The following GALNT13 variants were observed in gnomAD, a reference collection of about 807,000 sequenced individuals.
GALNT13 encodes the protein polypeptide N-acetylgalactosaminyltransferase 13, also known as UDP-GalNAc:polypeptide N-acetylgalactosaminyltransferase 13.
A neutral mutation model predicts 64.2 loss-of-function variants in GALNT13; 28 were observed. The observed-to-expected ratio is 0.44, with a 90% confidence interval of 0.32 to 0.60. The LOEUF (loss-of-function observed/expected upper bound fraction) is 0.60, where lower values mean the gene tolerates loss of function less well. Among genes scored for constraint, GALNT13 ranks in the 20% least tolerant of loss-of-function variants. GALNT13 has a pLI of 0.05. For synonymous variants in GALNT13, 214 were observed against 224.6 expected (o/e 0.95, Z 0.42); for missense variants, 577 against 669.8 (o/e 0.86, Z 1.53).
chr2:153,610,087 A>C, the GALNT13 span, among the ~76,000 whole-genome samples: 1 of 152,136 alleles, frequency 6.6e-6, no homozygotes, highest in Non-Finnish European at 1.5e-5. Context: ...AGTCCCAGAG[A>C]ATGTGCTCAT....
chr2:154,364,795 C>A (rs1448558573), intron 9 of GALNT13, among the ~76,000 whole-genome samples: 1 of 152,140 alleles, frequency 6.6e-6, no homozygotes, highest in Non-Finnish European at 1.5e-5. Flanking sequence ...CTCAGCCTCC[C>A]AAGTAGCTGG....
chr2:153,223,779 T>A, the GALNT13 span, among the ~76,000 whole-genome samples: 1 of 151,712 alleles, frequency 6.6e-6, no homozygotes, highest in Non-Finnish European at 1.5e-5. Context: ...GCCAACATGG[T>A]GAAATCCCGC....
At chr2:153,491,594 ATATTTATTTATTTATT>A in the GALNT13 span, among the ~76,000 whole-genome samples, 3 of 145,450 alleles carry the variant, frequency 2.1e-5, no homozygotes, top group South Asian at 2.2e-4. Flanking sequence ...AAACCATATT[ATATTTATTTATTTATT>A]TATTTATTTA....
intron 8 of GALNT13, among the ~76,000 whole-genome samples, chr2:154,263,972 G>C (rs1215813886): frequency 6.6e-6 from 1 of 152,218 alleles, no homozygotes; most frequent in Non-Finnish European, 1.5e-5. Flanking sequence ...CCTTGTGAAA[G>C]TTTCTAGGCC....
At chr2:153,630,784 TATATATATATATATATATATATA>T in the GALNT13 span, among the ~76,000 whole-genome samples, 2 of 9,792 alleles carry the variant, frequency 2.0e-4, no homozygotes, top group African/African-American at 6.9e-4. Flanking sequence ...TATATATATA[TATATATATATATATATATATATA>T]TTTTTTTTTT....
the GALNT13 span, among the ~76,000 whole-genome samples, chr2:153,071,291 TG>T: frequency 1.3e-5 from 2 of 152,220 alleles, no homozygotes; most frequent in Non-Finnish European, 2.9e-5. Context: ...AAGACATTGT[TG>T]GCAGAAGCAA....
At chr2:154,366,936 C>T (rs1445236124) in intron 9 of GALNT13, among the ~76,000 whole-genome samples, 4 of 152,092 alleles carry the variant, frequency 2.6e-5, no homozygotes, top group Non-Finnish European at 5.9e-5. Flanking sequence ...ACTGATTAGA[C>T]TGGATTATGA....
chr2:154,133,534 T>TTTTATA (rs1238613797), intron 3 of GALNT13, among the ~76,000 whole-genome samples: 9 of 77,292 alleles, frequency 1.2e-4, no homozygotes, highest in East Asian at 5.2e-4. Context: ...ACAGACCATT[T>TTTTATA]TATATATATA....
intron 11 of GALNT13, among the ~76,000 whole-genome samples, chr2:154,434,266 T>G (rs1700831781): frequency 1.3e-5 from 2 of 152,178 alleles, no homozygotes; most frequent in Non-Finnish European, 2.9e-5. Context: ...TTTGTTGGTT[T>G]GTTTGTTTTT....
the GALNT13 span, among the ~76,000 whole-genome samples, chr2:153,278,786 T>C: frequency 6.6e-6 from 1 of 152,122 alleles, no homozygotes; most frequent in East Asian, 1.9e-4. Flanking sequence ...AGTCAGGTAA[T>C]GTGATGCCTC....
chr2:153,849,297 C>A, the GALNT13 span, among the ~76,000 whole-genome samples: 1 of 152,070 alleles, frequency 6.6e-6, no homozygotes, highest in Non-Finnish European at 1.5e-5. Context: ...TCCTACCAAA[C>A]AACATACTGA....
chr2:154,052,904 T>C (rs184465419), intron 3 of GALNT13, among the ~76,000 whole-genome samples: 1,914 of 149,544 alleles, frequency 0.013, 37 homozygotes, highest in African/African-American at 0.046. Context: ...GCCCGGCTAA[T>C]TTTTTTGTAT....
the GALNT13 span, among the ~76,000 whole-genome samples, chr2:153,748,437 T>G: frequency 1.4e-4 from 22 of 152,252 alleles, no homozygotes; most frequent in African/African-American, 4.3e-4. Context: ...CTCACCAACA[T>G]TTGTTATTGT....
the GALNT13 span, among the ~76,000 whole-genome samples, chr2:153,795,702 A>C: frequency 1.4e-4 from 21 of 152,330 alleles, no homozygotes; most frequent in African/African-American, 5.1e-4. Context: ...TATTCATGGA[A>C]ATCCACTGTT....
chr2:153,461,747 ACCCAGAAC>A, the GALNT13 span, among the ~76,000 whole-genome samples: 3 of 152,182 alleles, frequency 2.0e-5, no homozygotes, highest in African/African-American at 7.2e-5. Context: ...CAAATCCACA[ACCCAGAAC>A]AATTAGACAA....
At chr2:153,916,189 G>C (rs1422849784) in intron 2 of GALNT13, among the ~76,000 whole-genome samples, 1 of 123,046 alleles carries the variant, frequency 8.1e-6, no homozygotes, top group Non-Finnish European at 1.6e-5. Context: ...ATAAGGTCTT[G>C]CTCTGTCACC....
chr2:153,439,054 T>G, the GALNT13 span, among the ~76,000 whole-genome samples: 1 of 152,190 alleles, frequency 6.6e-6, no homozygotes, highest in Non-Finnish European at 1.5e-5. Flanking sequence ...GACCCTCAGT[T>G]GCAGGTCTGT....
At chr2:154,258,122 A>T (rs1265059117) in intron 7 of GALNT13, among the ~76,000 whole-genome samples, 2 of 152,116 alleles carry the variant, frequency 1.3e-5, no homozygotes, top group Non-Finnish European at 2.9e-5. Context: ...GCCATTATGG[A>T]TCTATTTGTG....
At chr2:153,631,979 T>C in the GALNT13 span, among the ~76,000 whole-genome samples, 1 of 152,154 alleles carries the variant, frequency 6.6e-6, no homozygotes, top group Non-Finnish European at 1.5e-5. Flanking sequence ...TTTAATCCCC[T>C]ACCTCTTAGG....
Sources: gnomAD v4.1 joint callset for allele counts (sites outside exome capture counted in the v4.1 genomes callset) on GRCh38, gnomAD v4.1.1 for gene constraint, MANE v1.5 for transcripts, NCBI Gene and HGNC (gene_info 2026-07-23, HGNC 2026-07-21) for gene names.